LAMC1: variants seen among roughly 807,000 people sequenced by gnomAD.
LAMC1 encodes laminin subunit gamma-1.
LAMC1 carries 38 observed loss-of-function variants against 173.6 expected under a neutral mutation model. That is an observed-to-expected ratio of 0.22 (90% CI 0.17 to 0.29). The LOEUF is 0.29. Among genes scored for constraint, LAMC1 ranks in the 10% least tolerant of loss-of-function variants. The pLI is 1.00. For synonymous variants in LAMC1, 746 were observed against 749.1 expected (o/e 1.00, Z 0.07); for missense variants, 1,824 against 2,051.8 (o/e 0.89, Z 2.14).
At chr1:183,107,612 C>T (rs544123553) in intron 2 of LAMC1, among the ~76,000 whole-genome samples, 1 of 152,052 alleles carries the variant, frequency 6.6e-6, no homozygotes, top group African/African-American at 2.4e-5. Flanking sequence ...GGGTGTATCA[C>T]GAGGTCAGGA....
At position 183,136,335 on chromosome 1, in the gene LAMC1, C is replaced by G. The variant is rs752295734; in HGVS notation, c.4115-51C>G. On this transcript the variant is annotated intron_variant, in intron 24 of 27. Coordinates refer to ENST00000258341, the MANE Select transcript of LAMC1 (RefSeq NM_002293.4). ...CAGTTGGAACTCCCTGAAAGGCCCC[C>G]TTTTTACTTGTTGGGAGTTTAGCTC... 1.4e-5 allele frequency: 21 copies of G among 1,540,234 alleles called. 1 individual carries two copies. In the South Asian group the frequency reaches 2.4e-4, roughly 17 times the overall value.
At chr1:183,073,378 A>G (rs1655056982) in intron 1 of LAMC1, among the ~76,000 whole-genome samples, 1 of 152,262 alleles carries the variant, frequency 6.6e-6, no homozygotes, top group Non-Finnish European at 1.5e-5. Flanking sequence ...AGAAATAGCT[A>G]TAAAAACAAA....
intron 27 of LAMC1, among the ~76,000 whole-genome samples, chr1:183,141,738 T>A (rs1030687469): frequency 6.6e-6 from 1 of 152,226 alleles, no homozygotes; most frequent in African/African-American, 2.4e-5. Context: ...AAGAGAAAGC[T>A]TTTTGTGGAA....
chr1:183,076,548 G>A (rs1244272055), intron 1 of LAMC1, among the ~76,000 whole-genome samples: 1 of 152,152 alleles, frequency 6.6e-6, no homozygotes, highest in Non-Finnish European at 1.5e-5. Flanking sequence ...GAACCAAGCT[G>A]GGTGAGAAGG....
chr1:183,107,295 A>C (rs182207622), intron 2 of LAMC1, among the ~76,000 whole-genome samples: 83 of 152,238 alleles, frequency 5.5e-4, no homozygotes, highest in Admixed American at 2.7e-3. Context: ...GTGTGTGTGG[A>C]AAAAGACAAT....
At chr1:183,059,878 T>G (rs1448832632) in intron 1 of LAMC1, among the ~76,000 whole-genome samples, 2 of 152,188 alleles carry the variant, frequency 1.3e-5, no homozygotes, top group Admixed American at 6.5e-5. Context: ...TCTCTGACTG[T>G]AGGTTCCTTG....
intron 20 of LAMC1, 61 bp from the exon 21 acceptor site, chr1:183,132,338 AT>A (rs1459823896): frequency 3.2e-6 from 4 of 1,244,782 alleles, no homozygotes; most frequent in African/African-American, 1.6e-5. Context: ...CATTACCTGA[AT>A]TTTACTTATG....
intron 1 of LAMC1, among the ~76,000 whole-genome samples, chr1:183,049,028 A>T (rs1654341160): frequency 6.6e-6 from 1 of 152,190 alleles, no homozygotes; most frequent in Admixed American, 6.5e-5. Flanking sequence ...CTTTATTATT[A>T]ATATAGTTCT....
chr1:183,128,528 G>A (rs1486042365), intron 17 of LAMC1, 66 bp from the exon 18 acceptor site: 10 of 1,361,038 alleles, frequency 7.3e-6, no homozygotes, highest in South Asian at 4.5e-5. Flanking sequence ...TGCAGGAAGT[G>A]TGATTGAGTT....
rs562548656 is a variant in LAMC1, at chr1:183,093,999, A to G, written c.419-9329A>G. Among the ~76,000 whole-genome samples, 135 of 152,314 alleles carry G rather than the reference A, an allele frequency of 8.9e-4. 1 individual carries two copies. In the South Asian group the frequency reaches 0.02, roughly 22 times the overall value. ...TAGTTAGAGCCTGTTACTCCTTTGT[A>G]TAAAACTCTCCAGTGGGTTCTCATC... On this transcript the variant is annotated intron_variant, in intron 1 of 27. Transcript: ENST00000258341.
intron 26 of LAMC1, among the ~76,000 whole-genome samples, chr1:183,139,609 T>C (rs1657049980): frequency 6.6e-6 from 1 of 152,248 alleles, no homozygotes; most frequent in Non-Finnish European, 1.5e-5. Context: ...GATCCCAAAA[T>C]GTTTGTGTTG....
intron 4 of LAMC1, among the ~76,000 whole-genome samples, chr1:183,111,785 C>T (rs749366304): frequency 8.3e-5 from 9 of 108,910 alleles, no homozygotes; most frequent in Non-Finnish European, 1.7e-4. Context: ...CCTGTAATCT[C>T]AGCATTTGGG....
At chr1:183,136,297 A>T (rs554626261) in intron 24 of LAMC1, 89 bp from the exon 25 acceptor site, 1 of 1,170,360 alleles carries the variant, frequency 8.5e-7, no homozygotes, top group African/African-American at 1.5e-5. Flanking sequence ...TCCATTGTTC[A>T]TAAAACAAAA....
At chr1:183,055,913 A>G (rs905605053) in intron 1 of LAMC1, among the ~76,000 whole-genome samples, 3 of 152,268 alleles carry the variant, frequency 2.0e-5, no homozygotes, top group African/African-American at 4.8e-5. Flanking sequence ...TGAGCTTAAT[A>G]AAATTGAGGG....
At chr1:183,112,587 T>G (rs1391618713) in intron 4 of LAMC1, among the ~76,000 whole-genome samples, 2 of 152,150 alleles carry the variant, frequency 1.3e-5, no homozygotes, top group Non-Finnish European at 2.9e-5. Context: ...GGAAGAGAAC[T>G]ACCTTCTCTC....
In LAMC1 at chr1:183,103,553, T is replaced by A; in HGVS notation, c.644T>A (p.Leu215His). 6.2e-7 allele frequency: 1 copy of A among 1,613,208 alleles called. No individual in the cohort carries two copies. The highest frequency in any genetic ancestry group is 8.5e-7 in the Non-Finnish European group (1 of 1,179,368). ...GATGAATTCAGTGACATTTCTCCCCTCACTGGGGGCAACGTGGCCTTTTCT... is the reference window on the plus strand; with the variant it reads ...GATGAATTCAGTGACATTTCTCCCCACACTGGGGGCAACGTGGCCTTTTCT... ...CTDEFSDISP[L>H]TGGNVAFSTL... is the part of the protein sequence containing the mutation. The change falls in exon 2 of 28, where the codon CTC (leucine) becomes CAC (histidine). Residue 215 changes from leucine (L) to histidine (H), a missense_variant. By Grantham distance (99) the Leu-to-His change is moderately conservative. Coordinates refer to ENST00000258341, the MANE Select transcript of LAMC1 (RefSeq NM_002293.4).
chr1:183,118,221 T>G, intron 11 of LAMC1, 75 bp downstream of exon 11: 2 of 838,100 alleles, frequency 2.4e-6, no homozygotes, highest in Non-Finnish European at 4.0e-6. Flanking sequence ...ATGCAAAAGT[T>G]TCTCTTTCCT....
chr1:183,066,200 G>A (rs1039771223), intron 1 of LAMC1, among the ~76,000 whole-genome samples: 4 of 152,264 alleles, frequency 2.6e-5, no homozygotes, highest in African/African-American at 9.6e-5. Flanking sequence ...CAACTTTAGA[G>A]TTCTTTTTTC....
intron 13 of LAMC1, among the ~76,000 whole-genome samples, chr1:183,122,816 T>A (rs560936346): frequency 6.6e-6 from 1 of 152,272 alleles, no homozygotes; most frequent in African/African-American, 2.4e-5. Flanking sequence ...TCTGGATCGA[T>A]GACCTCAAAT....
Sources: allele counts gnomAD v4.1 joint callset (sites outside exome capture counted in the v4.1 genomes callset), GRCh38; gene constraint gnomAD v4.1.1; transcripts MANE v1.5; gene names NCBI Gene and HGNC (gene_info 2026-07-23, HGNC 2026-07-21).